Variants in RRM2 observed in about 807,000 individuals in gnomAD.
RRM2 encodes the protein ribonucleotide reductase regulatory subunit M2.
Under a neutral mutation model 45.9 loss-of-function variants are expected in RRM2, and 6 were observed. The observed-to-expected ratio is 0.13, with a 90% confidence interval of 0.07 to 0.26. RRM2 has a LOEUF of 0.26. Ranked by LOEUF, RRM2 falls within the 10% of genes least tolerant of loss-of-function variation. The probability of loss-of-function intolerance (pLI) is 1.00; values close to 1 mark genes in which losing one functional copy is unlikely to be tolerated. For missense variants in RRM2, 343 were observed against 489.5 expected (o/e 0.70, Z 2.82); for synonymous variants, 177 against 173.0 (o/e 1.02, Z -0.18).
Position 10,149,129 on chromosome 2 carries a change from A to AT in RRM2, n.482+6770dup, listed in dbSNP as rs771941572. On this transcript the variant is annotated intron_variant and non_coding_transcript_variant, in intron 3 of 3. Coordinates refer to the RRM2 transcript ENST00000381786. ...CTTTCTGGAGAGGATTGCTGTATTC[A>AT]TTTTTTTTTTTTTTTTCGAGATGGA... Among the ~76,000 whole-genome samples the AT allele has an allele frequency of 6.1e-3, 750 of 122,460 alleles. 11 individuals are homozygous for AT. Among genetic ancestry groups the AT allele is most frequent in the African/African-American group, 0.01 (335 of 33,376 alleles). 80.3% of individuals were successfully genotyped at this position (122,460 alleles called of 152,430 possible). A position where few individuals can be genotyped will look rare whatever the true frequency, so the allele number is the denominator to read the frequency against.
chr2:10,169,573 CA>C lies in RRM2; in HGVS notation n.482+27199del, dbSNP rs992438795. On this transcript the variant is annotated intron_variant and non_coding_transcript_variant, in intron 3 of 3. Transcript: ENST00000381786. This position sits in a 1 kb window ranked among gnomAD's most constrained non-coding sequence, Gnocchi z 5.1. ...AGGGTGAGCTGGGGTTGGGGAGGCGCAGGGGGGCTCCCCAGCAGAGGGAGGG... is the reference window on the plus strand; with the variant it reads ...AGGGTGAGCTGGGGTTGGGGAGGCGCGGGGGGCTCCCCAGCAGAGGGAGGG... Among the ~76,000 whole-genome samples the C allele has an allele frequency of 2.6e-5, 4 of 152,072 alleles. No individual in the cohort carries two copies. The highest frequency in any genetic ancestry group is 4.8e-5 in the African/African-American group (2 of 41,374).
chr2:10,199,779 CAAAAAAAAAAAA>C lies in RRM2; in HGVS notation n.483-10513_483-10502del, dbSNP rs796262395. Among the ~76,000 whole-genome samples, 4 of 14,298 alleles carry C rather than the reference CAAAAAAAAAAAA, an allele frequency of 2.8e-4. 1 individual carries two copies. Among genetic ancestry groups the C allele is most frequent in the African/African-American group, 3.7e-4 (2 of 5,378 alleles). 9.4% of individuals were successfully genotyped at this position (14,298 alleles called of 152,430 possible). ...TGGGTGACAGAGTGAGACTCAGTCT[CAAAAAAAAAAAA>C]AAAAAAAAAAAAAAAAAACAAATCA... On this transcript the variant is annotated intron_variant and non_coding_transcript_variant, in intron 3 of 3. Coordinates refer to the RRM2 transcript ENST00000381786.
At chr2:10,167,648 C>T (rs1278240671) in intron 3 of RRM2, among the ~76,000 whole-genome samples, 1 of 152,190 alleles carries the variant, frequency 6.6e-6, no homozygotes, top group Admixed American at 6.5e-5. Flanking sequence ...TGTGTCTTCT[C>T]TCTGGGCCAG....
In RRM2 at chr2:10,169,868, G is replaced by A. The variant is rs986238030; in HGVS notation, n.482+27493G>A. Among the ~76,000 whole-genome samples the A allele has an allele frequency of 2.0e-5, 3 of 152,196 alleles. No homozygotes were observed. The highest frequency in any genetic ancestry group is 4.4e-5 in the Non-Finnish European group (3 of 68,028). ...ACTTCTGCCCACGCTGGAACTTGGGGAGAAGAGGGAGATGTGAGTCAGGTT... is the reference window on the plus strand; with the variant it reads ...ACTTCTGCCCACGCTGGAACTTGGGAAGAAGAGGGAGATGTGAGTCAGGTT... On this transcript the variant is annotated intron_variant and non_coding_transcript_variant, in intron 3 of 3. Coordinates refer to the RRM2 transcript ENST00000381786. This position sits in a 1 kb window ranked among gnomAD's most constrained non-coding sequence, Gnocchi z 5.1.
At chr2:10,138,449 T>A (rs1005504319), upstream of RRM2, among the ~76,000 whole-genome samples, 1 of 151,978 alleles carries the variant, frequency 6.6e-6, no homozygotes, top group Non-Finnish European at 1.5e-5. Context: ...TTACAACCAT[T>A]AGCCACTGTG....
Position 10,205,339 on chromosome 2 carries a change from T to A in RRM2, n.483-4972T>A, listed in dbSNP as rs1214294483. Among the ~76,000 whole-genome samples the A allele has an allele frequency of 1.3e-5, 2 of 152,158 alleles. No homozygotes were observed. The highest frequency in any genetic ancestry group is 4.8e-5 in the African/African-American group (2 of 41,432). Reference sequence around the variant, plus strand: ...CCTCGGTATGTCCCACTCAGCATCCTCCCCAGGTCAGAACACATTTTGGGG... The same window carrying A: ...CCTCGGTATGTCCCACTCAGCATCCACCCCAGGTCAGAACACATTTTGGGG... On this transcript the variant is annotated intron_variant and non_coding_transcript_variant, in intron 3 of 3. Coordinates refer to the RRM2 transcript ENST00000381786. The surrounding 1 kb of genome is among the most constrained non-coding windows in gnomAD (Gnocchi z 4.8).
exon 1 of RRM2, chr2:10,141,446 C>G: frequency 4.1e-6 from 1 of 244,710 alleles, no homozygotes; most frequent in Non-Finnish European, 8.1e-6. Context: ...AGTGTGCCCT[C>G]TCCAGGGAGA....
At chr2:10,179,547 T>C (rs747801760) in intron 3 of RRM2, among the ~76,000 whole-genome samples, 15 of 152,194 alleles carry the variant, frequency 9.9e-5, no homozygotes, top group African/African-American at 1.7e-4. Flanking sequence ...TTTTGTGAAC[T>C]TACATTCACA....
At chr2:10,159,522 G>GTA (rs1330758233) in intron 3 of RRM2, among the ~76,000 whole-genome samples, 1 of 152,186 alleles carries the variant, frequency 6.6e-6, no homozygotes, top group Non-Finnish European at 1.5e-5. Flanking sequence ...CAGACACAGG[G>GTA]TCTTTCCACG....
Position 10,181,962 on chromosome 2 carries a change from C to T in RRM2, n.483-28349C>T, listed in dbSNP as rs564206023. ...AAAAAAAATTGTAGAGATAAAGTCT[C>T]ACTATGTTGCCCAGGCTGGTCTTGA... On this transcript the variant is annotated intron_variant and non_coding_transcript_variant, in intron 3 of 3. Transcript: ENST00000381786. Among the ~76,000 whole-genome samples the T allele has an allele frequency of 6.5e-4, 98 of 151,900 alleles. No individual in the cohort carries two copies. In the Middle Eastern group the frequency reaches 0.017, roughly 26 times the overall value.
exon 3 of RRM2, chr2:10,142,354 G>C (rs371759988): frequency 9.5e-6 from 13 of 1,375,252 alleles, no homozygotes; most frequent in Non-Finnish European, 1.2e-5. Flanking sequence ...CAGTGGAAGC[G>C]GGAGGCAGTT....
intron 3 of RRM2, among the ~76,000 whole-genome samples, chr2:10,168,036 G>GTTT (rs746974999): frequency 0.055 from 7,401 of 134,342 alleles, 313 homozygotes; most frequent in East Asian, 0.11. Context: ...AGGCTTTTCT[G>GTTT]TTTTTTTTTT....
intron 3 of RRM2, among the ~76,000 whole-genome samples, chr2:10,147,927 T>A (rs949346539): frequency 6.6e-6 from 1 of 151,992 alleles, no homozygotes; most frequent in Non-Finnish European, 1.5e-5. Context: ...GGTGGATCAC[T>A]CGAGGTCAGG....
At chr2:10,144,670 G>T (rs530629566) in intron 3 of RRM2, among the ~76,000 whole-genome samples, 28 of 152,292 alleles carry the variant, frequency 1.8e-4, no homozygotes, top group African/African-American at 6.7e-4. Flanking sequence ...CCTTTTGAAC[G>T]GAAGGGCTCC....
downstream of RRM2, among the ~76,000 whole-genome samples, chr2:10,135,949 T>C: frequency 6.6e-6 from 1 of 151,952 alleles, no homozygotes. Flanking sequence ...TGCCATATTC[T>C]CTTAGTCATG....
At chr2:10,200,398 C>CCGCGCGCGCAAAA (rs1664523394) in intron 3 of RRM2, among the ~76,000 whole-genome samples, 1 of 151,224 alleles carries the variant, frequency 6.6e-6, no homozygotes, top group East Asian at 2.0e-4. Context: ...TGCACAGGGA[C>CCGCGCGCGCAAAA]TGCGCGCACA....
chr2:10,123,231 C>T, intron 2 of RRM2, 156 bp from the exon 3 acceptor site: 1 of 1,268,518 alleles, frequency 7.9e-7, no homozygotes, highest in South Asian at 1.5e-5. Flanking sequence ...TTCGGGCGTG[C>T]GCTCCTCTGC....
upstream of RRM2, among the ~76,000 whole-genome samples, chr2:10,137,846 T>G (rs1481616369): frequency 6.6e-6 from 1 of 152,088 alleles, no homozygotes; most frequent in African/African-American, 2.4e-5. Context: ...CAGGACGAGA[T>G]GGGAAGGAAT....
At chr2:10,189,564 T>A (rs941589119) in intron 3 of RRM2, among the ~76,000 whole-genome samples, 5 of 152,152 alleles carry the variant, frequency 3.3e-5, no homozygotes, top group African/African-American at 1.2e-4. Context: ...AGTGGCTGCT[T>A]TCTTTGGTCT....
Sources: gnomAD v4.1 joint callset for allele counts (sites outside exome capture counted in the v4.1 genomes callset) on GRCh38, gnomAD v4.1.1 for gene constraint, Gnocchi (gnomAD v3.1) non-coding constraint, MANE v1.5 for transcripts, NCBI Gene and HGNC (gene_info 2026-07-23, HGNC 2026-07-21) for gene names.